Variants in TMED5 observed in about 807,000 individuals in gnomAD.
TMED5 encodes transmembrane emp24 domain-containing protein 5.
Under a neutral mutation model 23.0 loss-of-function variants are expected in TMED5, and 27 were observed. That is an observed-to-expected ratio of 1.17 (90% CI 0.86 to 1.62). TMED5 has a LOEUF of 1.62. TMED5 is among the 40% of genes most tolerant of loss of function. TMED5 has a pLI of 0.00. For synonymous variants in TMED5, 97 were observed against 100.8 expected (o/e 0.96, Z 0.23); for missense variants, 248 against 273.7 (o/e 0.91, Z 0.66).
intron 1 of TMED5, among the ~76,000 whole-genome samples, chr1:93,163,516 G>C (rs552447063): frequency 2.6e-5 from 4 of 151,560 alleles, no homozygotes; most frequent in Admixed American, 1.3e-4. Flanking sequence ...GGCTATTTTT[G>C]TATTTTGTAG....
chr1:93,179,504 T>C (rs1649172742), intron 1 of TMED5, among the ~76,000 whole-genome samples: 1 of 152,204 alleles, frequency 6.6e-6, no homozygotes, highest in Non-Finnish European at 1.5e-5. Flanking sequence ...AACGGAAATG[T>C]ATCATTAAAT....
At position 93,153,509 on chromosome 1, in the gene TMED5, A is replaced by T. The variant is rs973351588; in HGVS notation, c.*1161T>A. 3 of 152,158 alleles carry T rather than the reference A, an allele frequency of 2.0e-5. No homozygotes were observed. Among genetic ancestry groups the T allele is most frequent in the Non-Finnish European group, 4.4e-5 (3 of 67,988 alleles). 9.4% of individuals were successfully genotyped at this position (152,158 alleles called of 1,614,324 possible). On this transcript the variant is annotated 3_prime_UTR_variant, in exon 4 of 4. Transcript: ENST00000370282. ...TTGTAGAAAATAAAAACCTACAGCCAAAGTTTCTTCCAGCTAACTGGAAAT... is the reference window on the plus strand; with the variant it reads ...TTGTAGAAAATAAAAACCTACAGCCTAAGTTTCTTCCAGCTAACTGGAAAT...
At chr1:93,172,219 A>C (rs183908419) in intron 1 of TMED5, among the ~76,000 whole-genome samples, 11 of 152,304 alleles carry the variant, frequency 7.2e-5, no homozygotes, top group Admixed American at 3.9e-4. Flanking sequence ...AGCTAATGTA[A>C]TACAACAAGA....
chr1:93,180,049 C>T lies in TMED5; in HGVS notation c.189+5G>A, dbSNP rs1196650191. On this transcript the variant is annotated splice_donor_5th_base_variant and intron_variant, in intron 1 of 3. Coordinates refer to ENST00000370282, the MANE Select transcript of TMED5 (RefSeq NM_016040.5). Reference sequence around the variant, plus strand: ...GAAGGAGGCTGGTTTATCCTCCGCACTTACTTGGTACTCGATCTCCAGCGA... The same window carrying T: ...GAAGGAGGCTGGTTTATCCTCCGCATTTACTTGGTACTCGATCTCCAGCGA... 3 of 1,611,822 alleles carry T rather than the reference C, an allele frequency of 1.9e-6. No homozygotes were observed. The highest frequency in any genetic ancestry group is 1.3e-5 in the African/African-American group (1 of 74,892).
At chr1:93,168,001 T>C (rs1189582108) in intron 1 of TMED5, among the ~76,000 whole-genome samples, 5 of 152,226 alleles carry the variant, frequency 3.3e-5, no homozygotes, top group Non-Finnish European at 7.3e-5. Flanking sequence ...TCAGCATCAA[T>C]TGAAATGATT....
chr1:93,174,322 A>G (rs1267065602), intron 1 of TMED5, among the ~76,000 whole-genome samples: 2 of 151,952 alleles, frequency 1.3e-5, no homozygotes, highest in Non-Finnish European at 1.5e-5. Flanking sequence ...GAGGTTGTAT[A>G]TTACTTTTAT....
chr1:93,157,976 T>G (rs932321159), intron 2 of TMED5, among the ~76,000 whole-genome samples: 2 of 151,646 alleles, frequency 1.3e-5, no homozygotes, highest in Non-Finnish European at 1.5e-5. Context: ...GACAAAAAAT[T>G]AGCCGGGCGT....
At position 93,154,827 on chromosome 1, in the gene TMED5, C is replaced by G. The variant is rs371515436; in HGVS notation, c.533G>C (p.Arg178Thr). ...SKSGHIQTLL[R>T]AFEARDRNIQ... ...GTTTCGATCACGAGCTTCAAATGCT[C>G]TAAGCAGAGTTTGTATGTGCCCACT... Residue 178 changes from arginine to threonine, a missense_variant, in exon 4 of 4, where the codon AGA becomes ACA. Physicochemically the swap from Arg to Thr is moderately conservative, Grantham distance 71. Coordinates refer to ENST00000370282, the MANE Select transcript of TMED5 (RefSeq NM_016040.5). 100 of 1,613,952 alleles carry G rather than the reference C, an allele frequency of 6.2e-5. No individual in the cohort carries two copies. Among genetic ancestry groups the G allele is most frequent in the Non-Finnish European group, 8.0e-5 (94 of 1,179,968 alleles).
intron 3 of TMED5, among the ~76,000 whole-genome samples, chr1:93,155,503 T>A (rs1213230740): frequency 1.3e-5 from 2 of 151,248 alleles, no homozygotes; most frequent in Non-Finnish European, 2.9e-5. Context: ...TCTTTCTTAG[T>A]CCTCACACAA....
In TMED5 at chr1:93,153,856, A is replaced by G. The variant is rs1324260325; in HGVS notation, c.*814T>C. On this transcript the variant is annotated 3_prime_UTR_variant, in exon 4 of 4. Transcript: ENST00000370282. ...ATTAACTTGACAGATACTATTAAAA[A>G]TAAACTTATTTTACCTCACATTTAA... The G allele has an allele frequency of 1.3e-5, 2 of 152,216 alleles. No homozygotes were observed. The highest frequency in any genetic ancestry group is 4.8e-5 in the African/African-American group (2 of 41,468). The allele number at this position is 152,216 out of a possible 1,614,324, so 9.4% of individuals were successfully genotyped here. A position where few individuals can be genotyped will look rare whatever the true frequency, so the allele number is the denominator to read the frequency against.
rs911401355 is a variant in TMED5 at position 93,150,585 on chromosome 1, A to G, written c.*4085T>C. 5.9e-5 allele frequency: 9 copies of G among 152,250 alleles called. No homozygotes were observed. The highest frequency in any genetic ancestry group is 2.2e-4 in the African/African-American group (9 of 41,464). 9.4% of individuals were successfully genotyped at this position (152,250 alleles called of 1,614,324 possible). On this transcript the variant is annotated 3_prime_UTR_variant, in exon 4 of 4. Coordinates refer to ENST00000370282, the MANE Select transcript of TMED5 (RefSeq NM_016040.5). ...CTCACCAGCAACGTATGAGTGGTCCACTTATCCAATTTCTCTTGCATCCTA... is the reference window on the plus strand; with the variant it reads ...CTCACCAGCAACGTATGAGTGGTCCGCTTATCCAATTTCTCTTGCATCCTA...
intron 1 of TMED5, chr1:93,161,009 G>T (rs1234550694): frequency 1.3e-5 from 2 of 152,204 alleles, no homozygotes; most frequent in Non-Finnish European, 2.9e-5. Context: ...TTCCCAGTAT[G>T]AATTGTGTAT....
Position 93,179,951 on chromosome 1 carries a change from T to A in TMED5, c.189+103A>T, listed in dbSNP as rs147712174. ...TGGCTTCCTGAACGGCCCTCGCCTC[T>A]TCACCACCAGGGCCGTCCACCAGAA... On this transcript the variant is annotated intron_variant, in intron 1 of 3. Transcript: ENST00000370282. 4,641 of 1,302,624 alleles carry A rather than the reference T, an allele frequency of 3.6e-3. 17 individuals carry two copies. Among genetic ancestry groups the A allele is most frequent in the Admixed American group, 5.2e-3 (203 of 39,138 alleles). 80.7% of individuals were successfully genotyped at this position (1,302,624 alleles called of 1,614,324 possible). A position where few individuals can be genotyped will look rare whatever the true frequency, so the allele number is the denominator to read the frequency against.
At chr1:93,176,328 A>G (rs886692555) in intron 1 of TMED5, among the ~76,000 whole-genome samples, 3 of 152,072 alleles carry the variant, frequency 2.0e-5, no homozygotes, top group African/African-American at 4.8e-5. Context: ...AAGTCTGATA[A>G]TTCTGTAGAT....
At chr1:93,162,672 A>T (rs1648325044) in intron 1 of TMED5, 1 of 152,208 alleles carries the variant, frequency 6.6e-6, no homozygotes, top group Admixed American at 6.5e-5. Context: ...GACAGAAAGG[A>T]TCTAATAAAT....
At chr1:93,176,508 TACACAC>T (rs34446908) in intron 1 of TMED5, among the ~76,000 whole-genome samples, 20 of 150,054 alleles carry the variant, frequency 1.3e-4, no homozygotes, top group South Asian at 6.3e-4. Flanking sequence ...GCACAGACTA[TACACAC>T]ACACACACAC....
intron 1 of TMED5, among the ~76,000 whole-genome samples, chr1:93,164,301 G>A (rs1648404847): frequency 6.6e-6 from 1 of 152,066 alleles, no homozygotes; most frequent in Non-Finnish European, 1.5e-5. Context: ...GTTTGTGAAG[G>A]GGGTTAACTT....
At chr1:93,179,613 G>T (rs958804352) in intron 1 of TMED5, among the ~76,000 whole-genome samples, 1 of 152,206 alleles carries the variant, frequency 6.6e-6, no homozygotes. Flanking sequence ...ACAGTGATTT[G>T]TAACATCTGA....
chr1:93,165,707 T>C (rs761726482), intron 1 of TMED5, among the ~76,000 whole-genome samples: 1 of 152,224 alleles, frequency 6.6e-6, no homozygotes, highest in Non-Finnish European at 1.5e-5. Context: ...TTACAAATAA[T>C]CCAGTTATAC....
Sources: gnomAD v4.1 joint callset for allele counts (sites outside exome capture counted in the v4.1 genomes callset) on GRCh38, gnomAD v4.1.1 for gene constraint, MANE v1.5 for transcripts, NCBI Gene and HGNC (gene_info 2026-07-23, HGNC 2026-07-21) for gene names.